The following KIF5C variants were observed in gnomAD, a reference collection of about 807,000 sequenced individuals.
The protein encoded by KIF5C is kinesin heavy chain isoform 5C.
Under a neutral mutation model 125.2 loss-of-function variants are expected in KIF5C, and 18 were observed. The observed-to-expected ratio is 0.14, with a 90% CI of 0.10 to 0.21. The LOEUF is 0.21. Ranked by LOEUF, KIF5C falls within the 10% of genes least tolerant of loss-of-function variation. The probability of loss-of-function intolerance (pLI) is 1.00; values close to 1 mark genes in which losing one functional copy is unlikely to be tolerated. For missense variants in KIF5C, 780 were observed against 1,183.8 expected (o/e 0.66, Z 5.01); for synonymous variants, 405 against 434.0 (o/e 0.93, Z 0.83).
intron 11 of KIF5C, among the ~76,000 whole-genome samples, chr2:148,969,380 A>G (rs1680836140): frequency 6.6e-6 from 1 of 151,650 alleles, no homozygotes; most frequent in Non-Finnish European, 1.5e-5. Context: ...ATCTGACGAT[A>G]GTAAATGCCA....
intron 11 of KIF5C, among the ~76,000 whole-genome samples, chr2:148,972,818 G>C (rs944493766): frequency 1.3e-5 from 2 of 152,196 alleles, no homozygotes; most frequent in African/African-American, 4.8e-5. Flanking sequence ...CCTGTCTTCT[G>C]ACCTCAGATT....
chr2:148,897,953 A>G (rs1273279954), intron 1 of KIF5C, among the ~76,000 whole-genome samples: 1 of 147,070 alleles, frequency 6.8e-6, no homozygotes, highest in Non-Finnish European at 1.5e-5. Context: ...AAAAAAAAAA[A>G]AAAAATCATC....
At chr2:149,020,707 CA>C (rs1267201381) in intron 25 of KIF5C, among the ~76,000 whole-genome samples, 2 of 152,136 alleles carry the variant, frequency 1.3e-5, no homozygotes, top group African/African-American at 2.4e-5. Flanking sequence ...CTTATCTGAC[CA>C]GGGGGATAGC....
chr2:148,879,757 G>C (rs1418734927), intron 1 of KIF5C: 1 of 152,182 alleles, frequency 6.6e-6, no homozygotes, highest in African/African-American at 2.4e-5. Flanking sequence ...TCTCAGTAAA[G>C]TTCTTTGAAA....
chr2:148,909,085 A>G (rs143020048), intron 1 of KIF5C, among the ~76,000 whole-genome samples: 11 of 152,296 alleles, frequency 7.2e-5, no homozygotes, highest in Middle Eastern at 3.4e-3. Context: ...CAAAACAGAA[A>G]CCAGATCAGG....
chr2:148,947,936 C>A, intron 8 of KIF5C: 1 of 456,710 alleles, frequency 2.2e-6, no homozygotes, highest in Non-Finnish European at 4.4e-6. Context: ...TTCCCGTATG[C>A]CAAGTTATGG....
rs10714986 is a variant in KIF5C at position 148,968,768 on chromosome 2, A to AT, written c.1118-4556dup. 9.1e-3 allele frequency among the ~76,000 whole-genome samples: 1,351 copies of AT among 148,328 alleles called. 13 individuals are homozygous for AT. The highest frequency in any genetic ancestry group is 0.029 in the African/African-American group (1,197 of 40,850). ...TGCAAAATAATCTCATAAAAGAATG[A>AT]TTTTTTTTTTTTAACATCACATTTA... On this transcript the variant is annotated intron_variant, in intron 11 of 25. Transcript: ENST00000435030.
intron 22 of KIF5C, among the ~76,000 whole-genome samples, chr2:149,005,866 G>A (rs1392278719): frequency 6.6e-6 from 1 of 152,208 alleles, no homozygotes; most frequent in Admixed American, 6.5e-5. Flanking sequence ...TAGGGGCTAG[G>A]TCAGAGTTTA....
intron 15 of KIF5C, among the ~76,000 whole-genome samples, chr2:148,988,104 GCAT>G (rs1681430086): frequency 6.6e-6 from 1 of 152,004 alleles, no homozygotes; most frequent in Non-Finnish European, 1.5e-5. Context: ...ACTACTGGGG[GCAT>G]TATCAGACTC....
intron 12 of KIF5C, 104 bp from the exon 13 acceptor site, chr2:148,978,818 T>C (rs1681150353): frequency 1.4e-6 from 2 of 1,414,938 alleles, no homozygotes; most frequent in South Asian, 1.7e-5. Flanking sequence ...ACACTATTCC[T>C]TCCTTCTTAT....
At chr2:148,908,468 C>A (rs2105064084) in intron 1 of KIF5C, among the ~76,000 whole-genome samples, 1 of 152,308 alleles carries the variant, frequency 6.6e-6, no homozygotes, top group Middle Eastern at 3.4e-3. Flanking sequence ...TTATTTCTAA[C>A]CCTTTGGTCA....
chr2:148,953,172 T>A (rs1476414546), intron 10 of KIF5C, among the ~76,000 whole-genome samples: 2 of 152,224 alleles, frequency 1.3e-5, no homozygotes, highest in Non-Finnish European at 2.9e-5. Flanking sequence ...TAGTTTCTCA[T>A]CAACCACTGC....
chr2:148,995,895 G>A (rs1284572981), intron 17 of KIF5C, among the ~76,000 whole-genome samples: 8 of 152,168 alleles, frequency 5.3e-5, no homozygotes, highest in Admixed American at 1.3e-4. Context: ...GGTGGCTCAC[G>A]CCTGTAATCC....
chr2:148,939,726 G>A (rs182329453), intron 4 of KIF5C, among the ~76,000 whole-genome samples: 1 of 152,258 alleles, frequency 6.6e-6, no homozygotes, highest in Admixed American at 6.5e-5. Context: ...ATTCTGAACC[G>A]GATAGTGAGA....
chr2:148,997,791 G>T (rs1681723397), intron 18 of KIF5C: 1 of 166,628 alleles, frequency 6.0e-6, no homozygotes, highest in South Asian at 1.8e-4. Context: ...TGAATAAAAT[G>T]AGACAGGAGA....
chr2:148,927,334 C>T (rs983369658), intron 2 of KIF5C, among the ~76,000 whole-genome samples: 2 of 152,146 alleles, frequency 1.3e-5, no homozygotes, highest in African/African-American at 2.4e-5. Flanking sequence ...GGGCCTCCTG[C>T]GTGGGAACAT....
chr2:148,938,010 G>A (rs1682326900), intron 4 of KIF5C, among the ~76,000 whole-genome samples: 1 of 152,048 alleles, frequency 6.6e-6, no homozygotes, highest in Non-Finnish European at 1.5e-5. Context: ...CTTGTATTTT[G>A]TTTTTGTTTT....
rs201371782 is a variant in KIF5C at position 148,876,256 on chromosome 2, GC to G, written c.126+514del. On this transcript the variant is annotated intron_variant, in intron 1 of 25. Coordinates refer to ENST00000435030, the MANE Select transcript of KIF5C (RefSeq NM_004522.3). The surrounding 1 kb of genome is among the most constrained non-coding windows in gnomAD (Gnocchi z 4.7). ...TTTCTAGTCGCGTCTCGGAGCTCCC[GC>G]GGCAGTGTAGACGCGGCTCCCCGCG... Among the ~76,000 whole-genome samples, 4,626 of 152,298 alleles carry G rather than the reference GC, an allele frequency of 0.03. 99 individuals are homozygous for G. Among genetic ancestry groups the G allele is most frequent in the Middle Eastern group, 0.048 (14 of 294 alleles).
intron 1 of KIF5C, chr2:148,878,532 A>C (rs929189240): frequency 2.0e-5 from 3 of 152,210 alleles, no homozygotes; most frequent in African/African-American, 7.2e-5. Context: ...TATTTTGGTG[A>C]GTGCATGTAC....
Sources: allele counts gnomAD v4.1 joint callset (sites outside exome capture counted in the v4.1 genomes callset), GRCh38; gene constraint gnomAD v4.1.1; non-coding constraint Gnocchi (gnomAD v3.1); transcripts MANE v1.5; gene names NCBI Gene and HGNC (gene_info 2026-07-23, HGNC 2026-07-21).